Variants in FYCO1 observed in about 807,000 individuals in gnomAD.
The protein encoded by FYCO1 is FYVE and coiled-coil domain autophagy adaptor 1.
FYCO1 carries 122 observed loss-of-function variants against 165.1 expected under a neutral mutation model. That is an observed-to-expected ratio of 0.74 (90% CI 0.64 to 0.86). The LOEUF (loss-of-function observed/expected upper bound fraction) is 0.86, where lower values mean the gene tolerates loss of function less well. FYCO1 is among the 40% of genes least tolerant of loss of function. FYCO1 has a pLI of 0.00. For synonymous variants in FYCO1, 648 were observed against 742.5 expected (o/e 0.87, Z 2.07); for missense variants, 1,702 against 1,810.3 (o/e 0.94, Z 1.09).
intron 15 of FYCO1, among the ~76,000 whole-genome samples, chr3:45,932,258 T>G (rs1175235860): frequency 1.3e-5 from 2 of 152,214 alleles, no homozygotes; most frequent in Non-Finnish European, 2.9e-5. Context: ...GAGCCTCCAG[T>G]GCAGAGCTGC....
Position 45,968,398 on chromosome 3 carries a change from C to T in FYCO1, c.936G>A (p.Val312=), listed in dbSNP as rs1706226193. The T allele has an allele frequency of 6.2e-7, 1 of 1,613,768 alleles. No homozygotes were observed. The highest frequency in any genetic ancestry group is 8.5e-7 in the Non-Finnish European group (1 of 1,179,914). The change falls in exon 8 of 18, where the codon GTG becomes GTA. Residue 312 remains valine (V), a synonymous_variant. Transcript: ENST00000296137. ...WEVTQATQNT[V]KELQTCLQGL... ...CCTGCAGGCATGTCTGCAGCTCCTT[C>T]ACAGTGTTCTGGGTGGCCTGGGTGA...
chr3:45,939,084 C>T (rs1359849430), intron 14 of FYCO1, among the ~76,000 whole-genome samples: 1 of 152,250 alleles, frequency 6.6e-6, no homozygotes, highest in Non-Finnish European at 1.5e-5. Flanking sequence ...CAGCCTACTG[C>T]TAGCTTGGCT....
Position 45,962,431 on chromosome 3 carries a change from C to T in FYCO1, c.3270-39G>A. ...GGTAAGTTTTCTTGATTAGCCAGGA[C>T]TTCCAGCTTTCCCAGGGCTCTAAGC... On this transcript the variant is annotated intron_variant, in intron 10 of 17. Transcript: ENST00000296137. This position sits in a 1 kb window ranked among gnomAD's most constrained non-coding sequence, Gnocchi z 4.4. 1 of 1,596,658 alleles carries T rather than the reference C, an allele frequency of 6.3e-7. No homozygotes were observed. The highest frequency in any genetic ancestry group is 8.6e-7 in the Non-Finnish European group (1 of 1,164,504).
chr3:45,940,201 C>T (rs1195435537), intron 14 of FYCO1, among the ~76,000 whole-genome samples: 1 of 152,190 alleles, frequency 6.6e-6, no homozygotes, highest in Admixed American at 6.5e-5. Context: ...GGCCCCCCTC[C>T]CCCAGGAATG....
rs1016854535 is a variant in FYCO1, at chr3:45,962,837, G to C, written c.3270-445C>G. ...ACACGTCCTTGGGACTCTACACATG[G>C]GGCATGGCCCTGGGCCCACAGCAGG... On this transcript the variant is annotated intron_variant, in intron 10 of 17. Coordinates refer to ENST00000296137, the MANE Select transcript of FYCO1 (RefSeq NM_024513.4). This position sits in a 1 kb window ranked among gnomAD's most constrained non-coding sequence, Gnocchi z 4.4. Among the ~76,000 whole-genome samples, 1 of 152,140 alleles carries C rather than the reference G, an allele frequency of 6.6e-6. No individual in the cohort carries two copies. Among genetic ancestry groups the C allele is most frequent in the African/African-American group, 2.4e-5 (1 of 41,434 alleles).
chr3:45,994,867 C>T (rs994122681), intron 1 of FYCO1, among the ~76,000 whole-genome samples: 1 of 151,978 alleles, frequency 6.6e-6, no homozygotes, highest in Non-Finnish European at 1.5e-5. Context: ...AGGCTCTGGC[C>T]AACACAGGCA....
At chr3:45,924,560 C>G (rs1442559515) in intron 16 of FYCO1, among the ~76,000 whole-genome samples, 2 of 152,148 alleles carry the variant, frequency 1.3e-5, no homozygotes, top group Admixed American at 6.5e-5. Flanking sequence ...ACACAGGCCT[C>G]ATTTTAAAAC....
In FYCO1 at chr3:45,955,380, G is replaced by T. The variant is rs771911623; in HGVS notation, c.3813C>A (p.Asp1271Glu). Reference protein sequence around the residue: ...QATGGQGANTDYRPPDDAVFD... With the variant: ...QATGGQGANTEYRPPDDAVFD... ...ACACAGCGTCGTCCGGTGGCCTGTA[G>T]TCTGTATTTGCTCCTGGGCAGCAGA... is the stretch of plus-strand genomic sequence containing the variant. Residue 1271 changes from aspartate to glutamate, a missense_variant, in exon 14 of 18, where the codon GAC (aspartate) becomes GAA (glutamate). Physicochemically the swap from Asp to Glu is conservative, Grantham distance 45. Transcript: ENST00000296137. The T allele has an allele frequency of 6.2e-7, 1 of 1,614,208 alleles. No individual in the cohort carries two copies. Among genetic ancestry groups the T allele is most frequent in the South Asian group, 1.1e-5 (1 of 91,084 alleles).
intron 14 of FYCO1, among the ~76,000 whole-genome samples, chr3:45,936,744 A>C (rs945729092): frequency 6.6e-6 from 1 of 152,154 alleles, no homozygotes; most frequent in African/African-American, 2.4e-5. Flanking sequence ...GCAGGTGGAC[A>C]AGGAGAAGAC....
intron 6 of FYCO1, among the ~76,000 whole-genome samples, chr3:45,972,136 A>G (rs1706479659): frequency 6.6e-6 from 1 of 152,208 alleles, no homozygotes; most frequent in Non-Finnish European, 1.5e-5. Context: ...TAATTCTGAA[A>G]TTATTTCAAA....
chr3:45,944,549 A>T (rs1704459383), intron 14 of FYCO1, among the ~76,000 whole-genome samples: 1 of 152,176 alleles, frequency 6.6e-6, no homozygotes, highest in African/African-American at 2.4e-5. Flanking sequence ...TTTTCAGAAA[A>T]CAAAATAGGA....
At chr3:45,944,605 G>A (rs920104692) in intron 14 of FYCO1, among the ~76,000 whole-genome samples, 2 of 152,106 alleles carry the variant, frequency 1.3e-5, no homozygotes, top group African/African-American at 4.8e-5. Context: ...AGTTCGCCTA[G>A]AAGGGAAAGT....
intron 12 of FYCO1, among the ~76,000 whole-genome samples, chr3:45,959,036 T>C (rs1181909325): frequency 6.6e-6 from 1 of 152,238 alleles, no homozygotes; most frequent in African/African-American, 2.4e-5. Flanking sequence ...CTGCCTGTGT[T>C]CCTCTAGTGA....
At chr3:45,946,687 T>C in intron 14 of FYCO1, 1 of 1,614,228 alleles carries the variant, frequency 6.2e-7, no homozygotes, top group Non-Finnish European at 8.5e-7. Context: ...ACGGATGTGT[T>C]CCTGGTGAAC....
At chr3:45,950,569 T>C (rs1355357541) in intron 14 of FYCO1, among the ~76,000 whole-genome samples, 1 of 152,134 alleles carries the variant, frequency 6.6e-6, no homozygotes, top group Non-Finnish European at 1.5e-5. Context: ...GGCCTCCTCC[T>C]CCAAGGGGCT....
intron 14 of FYCO1, chr3:45,946,679 G>C: frequency 6.2e-7 from 1 of 1,614,222 alleles, no homozygotes; most frequent in Admixed American, 1.7e-5. Context: ...AGAGCCTGAC[G>C]GATGTGTTCC....
chr3:45,975,173 T>C (rs1706679529), intron 5 of FYCO1, 66 bp downstream of exon 5: 4 of 1,045,288 alleles, frequency 3.8e-6, no homozygotes, highest in African/African-American at 3.1e-5. Context: ...CTGTCATTAT[T>C]ATTAATGAAC....
At chr3:45,966,207 A>G in intron 8 of FYCO1, 70 bp downstream of exon 8, 10 of 1,516,106 alleles carry the variant, frequency 6.6e-6, no homozygotes, top group Non-Finnish European at 9.1e-6. Flanking sequence ...CTAAAGGTGC[A>G]TCTTCCCATG....
chr3:45,968,878 G>A (rs894495014), intron 7 of FYCO1, among the ~76,000 whole-genome samples, 175 bp from the exon 8 acceptor site: 1 of 152,220 alleles, frequency 6.6e-6, no homozygotes, highest in Admixed American at 6.5e-5. Flanking sequence ...ATCTGCCACA[G>A]ATTCAGCAGC....
Sources: allele counts gnomAD v4.1 joint callset (sites outside exome capture counted in the v4.1 genomes callset), GRCh38; gene constraint gnomAD v4.1.1; non-coding constraint Gnocchi (gnomAD v3.1); transcripts MANE v1.5; gene names NCBI Gene and HGNC (gene_info 2026-07-23, HGNC 2026-07-21).